Variants in PCDH15 observed in about 807,000 individuals in gnomAD.
PCDH15 encodes protocadherin-15.
In PCDH15, 129 loss-of-function variants were observed where a neutral mutation model predicts 178.5. That is an observed-to-expected ratio of 0.72 (90% CI 0.63 to 0.84). The LOEUF is 0.84. Among genes scored for constraint, PCDH15 ranks in the 40% least tolerant of loss-of-function variants. The pLI is 0.00. For synonymous variants in PCDH15, 800 were observed against 732.0 expected (o/e 1.09, Z -1.50); for missense variants, 2,230 against 2,099.9 (o/e 1.06, Z -1.21).
At chr10:54,458,355 G>T (rs1365448112) in intron 3 of PCDH15, among the ~76,000 whole-genome samples, 1 of 150,466 alleles carries the variant, frequency 6.6e-6, no homozygotes, top group Non-Finnish European at 1.5e-5. Flanking sequence ...ATTCTACATT[G>T]CCTTTGGCAT....
At chr10:54,484,304 A>C (rs1285402536) in intron 3 of PCDH15, among the ~76,000 whole-genome samples, 1 of 151,866 alleles carries the variant, frequency 6.6e-6, no homozygotes, top group Admixed American at 6.6e-5. Context: ...AGCATAAAGC[A>C]AGGACATGGC....
intron 26 of PCDH15, among the ~76,000 whole-genome samples, chr10:53,894,981 C>G (rs1220542477): frequency 2.0e-5 from 3 of 152,150 alleles, no homozygotes; most frequent in Non-Finnish European, 4.4e-5. Flanking sequence ...TAGCCTCACT[C>G]CCAATTAGCT....
intron 32 of PCDH15, chr10:53,821,027 A>T: frequency 1.2e-6 from 1 of 823,742 alleles, no homozygotes; most frequent in Non-Finnish European, 1.5e-6. Flanking sequence ...GGAGATGATT[A>T]ATAATATGAA....
chr10:54,223,091 C>G (rs1177340748), intron 9 of PCDH15, among the ~76,000 whole-genome samples: 2 of 152,058 alleles, frequency 1.3e-5, no homozygotes, highest in Non-Finnish European at 2.9e-5. Flanking sequence ...GTGGGGGGAT[C>G]ACCTGAGGTC....
At chr10:53,990,539 T>A (rs1454329935) in intron 21 of PCDH15, among the ~76,000 whole-genome samples, 1 of 148,750 alleles carries the variant, frequency 6.7e-6, no homozygotes, top group South Asian at 2.1e-4. Context: ...ATATATGTTT[T>A]ATATATGTTA....
At chr10:54,577,856 A>G (rs867439531) in intron 2 of PCDH15, among the ~76,000 whole-genome samples, 7 of 71,152 alleles carry the variant, frequency 9.8e-5, no homozygotes, top group African/African-American at 1.8e-4. Context: ...ATAAATGAAT[A>G]AATAAATAAA....
chr10:54,797,073 C>T (rs187269384), intron 1 of PCDH15, among the ~76,000 whole-genome samples: 11 of 152,070 alleles, frequency 7.2e-5, no homozygotes, highest in East Asian at 5.8e-4. Flanking sequence ...TTGCACACAC[C>T]GCTGTCCTCC....
chr10:54,796,744 T>C (rs1020489584), intron 1 of PCDH15, among the ~76,000 whole-genome samples: 3 of 152,010 alleles, frequency 2.0e-5, no homozygotes, highest in Non-Finnish European at 4.4e-5. Context: ...TTTGAGTTTG[T>C]ATCTCTGTGA....
At chr10:55,528,153 T>A (rs1419393012) in intron 2 of PCDH15, among the ~76,000 whole-genome samples, 1 of 152,014 alleles carries the variant, frequency 6.6e-6, no homozygotes, top group Non-Finnish European at 1.5e-5. Context: ...CCTCCCATCT[T>A]AGCCTCTGGA....
At chr10:55,571,884 T>A (rs1157069077) in intron 2 of PCDH15, among the ~76,000 whole-genome samples, 1 of 152,092 alleles carries the variant, frequency 6.6e-6, no homozygotes, top group East Asian at 1.9e-4. Context: ...ATGCACTGTA[T>A]CTTTGCAAAG....
chr10:53,980,448 C>T (rs931172747), intron 21 of PCDH15, among the ~76,000 whole-genome samples: 1 of 88,964 alleles, frequency 1.1e-5, no homozygotes, highest in African/African-American at 4.4e-5. Flanking sequence ...TATTACAGTG[C>T]CATGGATGAC....
chr10:54,306,388 G>A (rs187649251), intron 8 of PCDH15, among the ~76,000 whole-genome samples: 37 of 152,154 alleles, frequency 2.4e-4, no homozygotes, highest in Non-Finnish European at 4.4e-4. Context: ...TTAAGGAACT[G>A]GCTCATGTGA....
intron 13 of PCDH15, among the ~76,000 whole-genome samples, chr10:54,175,395 A>G (rs2047340365): frequency 6.6e-6 from 1 of 152,218 alleles, no homozygotes; most frequent in Non-Finnish European, 1.5e-5. Context: ...TCCACAGAGC[A>G]CTAAATAACA....
chr10:54,763,986 A>C (rs1227523839), intron 1 of PCDH15, among the ~76,000 whole-genome samples: 1 of 151,828 alleles, frequency 6.6e-6, no homozygotes, highest in Non-Finnish European at 1.5e-5. Context: ...AAAAGTAAAA[A>C]GGGATTTTTT....
At chr10:54,389,452 G>A (rs1045482426) in intron 3 of PCDH15, among the ~76,000 whole-genome samples, 3 of 152,160 alleles carry the variant, frequency 2.0e-5, no homozygotes, top group African/African-American at 7.2e-5. Context: ...GGGTAGAGCC[G>A]TCTAGTTGAT....
intron 10 of PCDH15, among the ~76,000 whole-genome samples, chr10:54,201,454 A>G (rs941993197): frequency 6.6e-5 from 10 of 151,902 alleles, no homozygotes; most frequent in African/African-American, 2.4e-4. Context: ...TATTGCTTGT[A>G]TAGTAAATTC....
At chr10:53,900,390 G>T (rs1006409831) in intron 26 of PCDH15, among the ~76,000 whole-genome samples, 2 of 152,108 alleles carry the variant, frequency 1.3e-5, no homozygotes, top group African/African-American at 4.8e-5. Context: ...GTTCCTTAGA[G>T]TTCTCAGTAG....
At chr10:55,405,307 A>ATATATATATATATATATATATATAT (rs1838173022) in intron 2 of PCDH15, among the ~76,000 whole-genome samples, 10 of 62,906 alleles carry the variant, frequency 1.6e-4, no homozygotes, top group African/African-American at 2.3e-4. Flanking sequence ...TATATATACA[A>ATATATATATATATATATATATATAT]TTTAATGTCA....
chr10:55,224,620 C>A (rs2132189195), intron 1 of PCDH15, among the ~76,000 whole-genome samples: 1 of 152,184 alleles, frequency 6.6e-6, no homozygotes, highest in Non-Finnish European at 1.5e-5. Flanking sequence ...GAGTATAAGG[C>A]TCTTTGACTA....
Sources: gnomAD v4.1 joint callset for allele counts (sites outside exome capture counted in the v4.1 genomes callset) on GRCh38, gnomAD v4.1.1 for gene constraint, MANE v1.5 for transcripts, NCBI Gene and HGNC (gene_info 2026-07-23, HGNC 2026-07-21) for gene names.